DCHS2: variants seen among roughly 807,000 people sequenced by gnomAD.
DCHS2 encodes dachsous cadherin-related 2, also known as protocadherin-23.
In DCHS2, 142 loss-of-function variants were observed where a neutral mutation model predicts 182.4. The observed-to-expected ratio is 0.78, with a 90% confidence interval of 0.68 to 0.89. DCHS2 has a LOEUF of 0.89. DCHS2 is among the 40% of genes least tolerant of loss of function. The pLI is 0.00. For synonymous variants in DCHS2, 1,740 were observed against 1,663.3 expected, an observed-to-expected ratio of 1.05 and a Z score of -1.12; for missense variants, 4,319 against 4,198.6, an observed-to-expected ratio of 1.03 and a Z score of -0.79.
chr4:154,341,909 T>C (rs919126044), intron 3 of DCHS2, among the ~76,000 whole-genome samples: 1 of 151,932 alleles, frequency 6.6e-6, no homozygotes, highest in African/African-American at 2.4e-5. Flanking sequence ...GTTTAGTCTT[T>C]TTAATTTTAT....
chr4:154,237,333 T>C, intron 19 of DCHS2, 174 bp from the exon 20 acceptor site: 2 of 876,174 alleles, frequency 2.3e-6, no homozygotes, highest in Non-Finnish European at 3.2e-6. Flanking sequence ...TTTATATGTT[T>C]ATAACATGTA....
Position 154,320,553 on chromosome 4 carries a change from G to T in DCHS2, c.4846C>A (p.His1616Asn). The change falls in exon 9 of 20, where the codon CAC becomes AAC. Residue 1616 changes from histidine to asparagine, a missense_variant. By Grantham distance (68) the His-to-Asn change is moderately conservative. Coordinates refer to ENST00000357232, the MANE Select transcript of DCHS2 (RefSeq NM_001358235.2). ...GGGAAAGAAATAAAAGTGGGGTTGT[G>T]GTCATTTACATCCAAAATCACTATT... is the stretch of plus-strand genomic sequence containing the variant. ...AQIVILDVNDHNPTFISFPNA... is the reference protein window; with the variant it reads ...AQIVILDVNDNNPTFISFPNA... 2 of 1,614,034 alleles carry T rather than the reference G, an allele frequency of 1.2e-6. No individual in the cohort carries two copies. Among genetic ancestry groups the T allele is most frequent in the South Asian group, 2.2e-5 (2 of 91,068 alleles).
At chr4:154,272,481 G>A (rs922716318) in intron 13 of DCHS2, among the ~76,000 whole-genome samples, 2 of 152,112 alleles carry the variant, frequency 1.3e-5, no homozygotes, top group African/African-American at 4.8e-5. Flanking sequence ...CCAGGTGGGA[G>A]GTGATGGGAT....
At chr4:154,250,497 C>G (rs1327523546) in intron 16 of DCHS2, among the ~76,000 whole-genome samples, 1 of 152,124 alleles carries the variant, frequency 6.6e-6, no homozygotes, top group East Asian at 1.9e-4. Context: ...GGTATCTTTA[C>G]TTTTGTTCTT....
intron 1 of DCHS2, among the ~76,000 whole-genome samples, chr4:154,441,598 C>T (rs1289478483): frequency 6.8e-6 from 1 of 147,214 alleles, no homozygotes; most frequent in Non-Finnish European, 1.5e-5. Flanking sequence ...GAAAACTCCT[C>T]TTGTACCAGA....
intron 1 of DCHS2, among the ~76,000 whole-genome samples, chr4:154,464,617 C>T (rs922090637): frequency 6.6e-6 from 1 of 152,106 alleles, no homozygotes; most frequent in Non-Finnish European, 1.5e-5. Flanking sequence ...AGATCTCTCA[C>T]GTATAGTAAA....
rs1734727959 is a variant in DCHS2 at position 154,455,567 on chromosome 4, A to C, written c.2052+33737T>G. 7.9e-5 allele frequency among the ~76,000 whole-genome samples: 12 copies of C among 152,338 alleles called. No homozygotes were observed. In the South Asian group the frequency reaches 2.5e-3, roughly 32 times the overall value. ...CTTGGCTCCATTTTGCACAAAAGGA[A>C]ATCACTTCTGGTGGAATTTTAGTGA... On this transcript the variant is annotated intron_variant, in intron 1 of 19. Coordinates refer to ENST00000357232, the MANE Select transcript of DCHS2 (RefSeq NM_001358235.2).
chr4:154,315,400 ATCT>A (rs977192323), intron 10 of DCHS2, among the ~76,000 whole-genome samples: 1 of 152,146 alleles, frequency 6.6e-6, no homozygotes, highest in Non-Finnish European at 1.5e-5. Context: ...AGAACCATTT[ATCT>A]TCTTCTTCTT....
chr4:154,309,800 A>G (rs1156577900), intron 10 of DCHS2, among the ~76,000 whole-genome samples: 1 of 152,242 alleles, frequency 6.6e-6, no homozygotes, highest in African/African-American at 2.4e-5. Flanking sequence ...ATCATGTTTG[A>G]CTGTGATAAA....
chr4:154,300,122 C>T (rs1355190806), intron 12 of DCHS2, among the ~76,000 whole-genome samples: 1 of 152,070 alleles, frequency 6.6e-6, no homozygotes, highest in Non-Finnish European at 1.5e-5. Flanking sequence ...AATTAACAGG[C>T]TGCAAATGTT....
chr4:154,269,942 T>C lies in DCHS2; in HGVS notation c.6535A>G (p.Ser2179Gly), dbSNP rs1733497943. The C allele has an allele frequency of 6.2e-7, 1 of 1,612,712 alleles. No homozygotes were observed. Among genetic ancestry groups the C allele is most frequent in the Non-Finnish European group, 8.5e-7 (1 of 1,179,212 alleles). Residue 2179 changes from serine (S) to glycine (G), a missense_variant, in exon 14 of 20, where the codon AGT (serine) becomes GGT (glycine). By Grantham distance (56) the Ser-to-Gly change is moderately conservative. Transcript: ENST00000357232. ...IQDSMKYSIF[S>G]GNEDGVLSLC... ...GAAAGAACTCCATCTTCATTTCCAC[T>C]AAAAATTGAATATTTCATGCTGTCC...
chr4:154,437,058 C>T (rs538789284), intron 1 of DCHS2, among the ~76,000 whole-genome samples: 44 of 152,220 alleles, frequency 2.9e-4, no homozygotes, highest in African/African-American at 1.0e-3. Flanking sequence ...ACATTTCTTC[C>T]GGACAGTGCT....
chr4:154,349,751 A>G (rs1729522311), intron 3 of DCHS2, among the ~76,000 whole-genome samples: 1 of 152,208 alleles, frequency 6.6e-6, no homozygotes, highest in Non-Finnish European at 1.5e-5. Flanking sequence ...CCAAATGCTG[A>G]TTCACATGAT....
At position 154,328,195 on chromosome 4, in the gene DCHS2, G is replaced by T. The variant is rs1736371967; in HGVS notation, c.3919-3C>A. The T allele has an allele frequency of 6.2e-7, 1 of 1,600,288 alleles. No homozygotes were observed. Among genetic ancestry groups the T allele is most frequent in the Admixed American group, 1.7e-5 (1 of 57,644 alleles). ...TTTACTGGTTGACCTTCCAGAACCT[G>T]CCATTAAAACAAACAGCTTACAAAT... On this transcript the variant is annotated splice_region_variant and splice_polypyrimidine_tract_variant and intron_variant, in intron 6 of 19. Coordinates refer to ENST00000357232, the MANE Select transcript of DCHS2 (RefSeq NM_001358235.2).
intron 1 of DCHS2, among the ~76,000 whole-genome samples, chr4:154,411,849 A>G (rs1732647689): frequency 6.6e-6 from 1 of 152,196 alleles, no homozygotes; most frequent in Non-Finnish European, 1.5e-5. Flanking sequence ...CATATACAAA[A>G]TACATTTTAT....
chr4:154,299,786 A>G (rs1241069471), intron 12 of DCHS2, among the ~76,000 whole-genome samples: 1 of 152,198 alleles, frequency 6.6e-6, no homozygotes, highest in Non-Finnish European at 1.5e-5. Context: ...GATCACAGAT[A>G]TGAAGGGAGT....
chr4:154,236,025 A>AT lies in DCHS2; in HGVS notation c.8626_8627insA (p.Phe2876TyrfsTer2). The AT allele has an allele frequency of 6.2e-7, 1 of 1,613,958 alleles. No individual in the cohort carries two copies. Among genetic ancestry groups the AT allele is most frequent in the Non-Finnish European group, 8.5e-7 (1 of 1,179,962 alleles). ...CTGATCTTGAGTGAAAATGGGCTCA[A>AT]ATTCATCTATCCCTTCAATATCCAC... On this transcript the variant is annotated frameshift_variant, in exon 20 of 20. Transcript: ENST00000357232. LOFTEE classifies it low-confidence loss of function (END_TRUNC).
intron 1 of DCHS2, among the ~76,000 whole-genome samples, chr4:154,444,266 T>C (rs943443059): frequency 1.3e-5 from 2 of 152,226 alleles, no homozygotes; most frequent in Non-Finnish European, 2.9e-5. Context: ...TTCAGATGTA[T>C]ATATCCAACA....
intron 1 of DCHS2, among the ~76,000 whole-genome samples, chr4:154,401,131 T>A (rs901362535): frequency 6.6e-6 from 1 of 152,248 alleles, no homozygotes; most frequent in African/African-American, 2.4e-5. Context: ...ATTTTGCTCG[T>A]CCTTAACTTT....
Sources: allele counts gnomAD v4.1 joint callset (sites outside exome capture counted in the v4.1 genomes callset), GRCh38; gene constraint gnomAD v4.1.1; transcripts MANE v1.5; gene names NCBI Gene and HGNC (gene_info 2026-07-23, HGNC 2026-07-21).